RBKS: variants seen among roughly 807,000 people sequenced by gnomAD.
RBKS encodes ribokinase.
A neutral mutation model predicts 33.9 loss-of-function variants in RBKS; 33 were observed. The ratio of observed to expected loss-of-function variants is 0.97; its 90% CI spans 0.74 to 1.30. RBKS has a LOEUF of 1.30. RBKS is among the 50% of genes most tolerant of loss of function. The probability of loss-of-function intolerance (pLI) is 0.00; values close to 1 mark genes in which losing one functional copy is unlikely to be tolerated. For synonymous variants in RBKS, 125 were observed against 143.0 expected (o/e 0.87, Z 0.90); for missense variants, 361 against 392.6 (o/e 0.92, Z 0.68).
At chr2:27,792,258 G>C (rs1345892201) in intron 7 of RBKS, among the ~76,000 whole-genome samples, 2 of 152,224 alleles carry the variant, frequency 1.3e-5, no homozygotes, top group Non-Finnish European at 2.9e-5. Flanking sequence ...TTTGGAGTAA[G>C]ATAGACCTGT....
At chr2:27,789,861 C>G (rs888384624) in intron 7 of RBKS, among the ~76,000 whole-genome samples, 1 of 146,966 alleles carries the variant, frequency 6.8e-6, no homozygotes, top group Non-Finnish European at 1.5e-5. Context: ...CCATGCCTGG[C>G]CAGCTGATGT....
intron 7 of RBKS, among the ~76,000 whole-genome samples, chr2:27,801,949 G>GAAAA (rs1397935633): frequency 5.7e-4 from 31 of 54,750 alleles, no homozygotes; most frequent in Non-Finnish European, 3.3e-4. Context: ...GAGTAGCTGG[G>GAAAA]GAAAAAAAAA....
intron 1 of RBKS, among the ~76,000 whole-genome samples, chr2:27,872,979 C>G (rs974338922): frequency 6.6e-6 from 1 of 152,080 alleles, no homozygotes; most frequent in African/African-American, 2.4e-5. Flanking sequence ...GCAGAGAAAG[C>G]CTGCAAATGG....
At chr2:27,820,989 G>A (rs944942816) in intron 7 of RBKS, among the ~76,000 whole-genome samples, 5 of 141,326 alleles carry the variant, frequency 3.5e-5, no homozygotes, top group Middle Eastern at 7.4e-3. Context: ...GCGGTGAGCC[G>A]AGACTGCGCC....
rs201667041 is a variant in RBKS, at chr2:27,797,737, G to A, written c.796-15949C>T. ...GTTGTCCTGGGCAGGTGTGGGAGAG[G>A]AGCAGGGGTACAAAGGAATCAAAGG... On this transcript the variant is annotated intron_variant, in intron 7 of 7. Coordinates refer to ENST00000302188, the MANE Select transcript of RBKS (RefSeq NM_022128.3). 5.3e-5 allele frequency among the ~76,000 whole-genome samples: 8 copies of A among 152,256 alleles called. No individual in the cohort carries two copies. In the East Asian group the frequency reaches 1.2e-3, roughly 22 times the overall value.
At chr2:27,794,345 A>G (rs1393818356) in intron 7 of RBKS, among the ~76,000 whole-genome samples, 15 of 146,846 alleles carry the variant, frequency 1.0e-4, no homozygotes, top group Admixed American at 8.1e-4. Context: ...TAATAATAAT[A>G]ATAAAGAAAT....
intron 7 of RBKS, among the ~76,000 whole-genome samples, chr2:27,807,589 C>T (rs1329237847): frequency 1.3e-5 from 2 of 152,086 alleles, no homozygotes; most frequent in African/African-American, 2.4e-5. Flanking sequence ...TATTGTTGCC[C>T]AGCAACTCCT....
rs770008717 is a variant in RBKS, at chr2:27,876,566, C to T, written c.89+13691G>A. Among the ~76,000 whole-genome samples, 17 of 152,078 alleles carry T rather than the reference C, an allele frequency of 1.1e-4. 1 individual carries two copies. The highest frequency in any genetic ancestry group is 5.8e-4 in the East Asian group (3 of 5,194). ...TAAGTGAAATAAGTAAGTCACATAACGGCAAACACTGCATAATTCCACTTA... is the reference window on the plus strand; with the variant it reads ...TAAGTGAAATAAGTAAGTCACATAATGGCAAACACTGCATAATTCCACTTA... On this transcript the variant is annotated intron_variant, in intron 1 of 7. Transcript: ENST00000302188.
intron 1 of RBKS, among the ~76,000 whole-genome samples, chr2:27,889,649 T>C (rs942298372): frequency 6.6e-6 from 1 of 152,238 alleles, no homozygotes; most frequent in Non-Finnish European, 1.5e-5. Flanking sequence ...TTGTAAATAC[T>C]GTGTTTATGT....
intron 1 of RBKS, among the ~76,000 whole-genome samples, chr2:27,869,436 TG>T (rs1664160001): frequency 6.6e-6 from 1 of 152,186 alleles, no homozygotes; most frequent in African/African-American, 2.4e-5. Flanking sequence ...TACAATTTCA[TG>T]GGAAGTATGA....
At chr2:27,847,979 C>T in intron 3 of RBKS, 55 bp downstream of exon 3, 1 of 1,034,162 alleles carries the variant, frequency 9.7e-7, no homozygotes, top group Non-Finnish European at 1.5e-6. Context: ...TTTCTCATAA[C>T]AAAATCACAG....
At chr2:27,815,985 G>GTA (rs1344518267) in intron 7 of RBKS, among the ~76,000 whole-genome samples, 2 of 152,080 alleles carry the variant, frequency 1.3e-5, no homozygotes, top group African/African-American at 4.8e-5. Context: ...TTTGAGTTCT[G>GTA]AAGCAGGGCC....
chr2:27,798,532 C>T (rs1288916489), intron 7 of RBKS, among the ~76,000 whole-genome samples: 2 of 152,142 alleles, frequency 1.3e-5, no homozygotes, highest in Non-Finnish European at 1.5e-5. Flanking sequence ...CTTGTCTCCA[C>T]TCCTACCCCC....
At chr2:27,883,443 C>T (rs912075774) in intron 1 of RBKS, among the ~76,000 whole-genome samples, 1 of 152,188 alleles carries the variant, frequency 6.6e-6, no homozygotes, top group Non-Finnish European at 1.5e-5. Context: ...TCGTGATCTG[C>T]CCGCCTCGGC....
rs139652261 is a variant in RBKS, at chr2:27,886,355, A to C, written c.89+3902T>G. ...GCAGTTTTATTTCTGAAGTGATACT[A>C]AAGAATAGGCATGCGTGTCCAGGCT... On this transcript the variant is annotated intron_variant, in intron 1 of 7. Coordinates refer to ENST00000302188, the MANE Select transcript of RBKS (RefSeq NM_022128.3). Among the ~76,000 whole-genome samples the C allele has an allele frequency of 4.6e-5, 7 of 152,350 alleles. No homozygotes were observed. In the East Asian group the frequency reaches 1.2e-3, roughly 25 times the overall value.
intron 7 of RBKS, among the ~76,000 whole-genome samples, chr2:27,813,114 C>A (rs1471085062): frequency 6.6e-6 from 1 of 151,770 alleles, no homozygotes; most frequent in Non-Finnish European, 1.5e-5. Context: ...TAAAAGTATT[C>A]CTCAGCTAGG....
At chr2:27,782,255 T>G (rs959380175) in intron 7 of RBKS, among the ~76,000 whole-genome samples, 7 of 152,232 alleles carry the variant, frequency 4.6e-5, no homozygotes, top group African/African-American at 7.2e-5. Flanking sequence ...TGGGCTCAAC[T>G]CCTGAGTGAA....
intron 5 of RBKS, among the ~76,000 whole-genome samples, chr2:27,835,680 C>G (rs895860507): frequency 2.2e-4 from 34 of 151,412 alleles, no homozygotes; most frequent in African/African-American, 6.8e-4. Flanking sequence ...ACACCTTGGC[C>G]TCCCAAAATG....
intron 7 of RBKS, among the ~76,000 whole-genome samples, chr2:27,809,503 T>G (rs1489794181): frequency 2.6e-5 from 4 of 152,236 alleles, no homozygotes; most frequent in African/African-American, 9.6e-5. Flanking sequence ...GAGAGCTTTG[T>G]ATATATATTG....
Sources: allele counts gnomAD v4.1 joint callset (sites outside exome capture counted in the v4.1 genomes callset), GRCh38; gene constraint gnomAD v4.1.1; transcripts MANE v1.5; gene names NCBI Gene and HGNC (gene_info 2026-07-23, HGNC 2026-07-21).